The following FSAF1 variants were observed in gnomAD, a reference collection of about 807,000 sequenced individuals.
The protein encoded by FSAF1 is 40S small subunit processome assembly factor 1.
chr1:231,228,904 A>T, the FSAF1 span, among the ~76,000 whole-genome samples: 1 of 152,166 alleles, frequency 6.6e-6, no homozygotes, highest in Admixed American at 6.5e-5. Context: ...CAGGAGAATC[A>T]CTTGAACCCA....
chr1:231,240,477 A>G, the FSAF1 span, among the ~76,000 whole-genome samples: 16 of 151,888 alleles, frequency 1.1e-4, no homozygotes, highest in South Asian at 3.3e-3. This position sits in a 1 kb window ranked among gnomAD's most constrained non-coding sequence, Gnocchi z 4.1. Flanking sequence ...AGGCTCTTTT[A>G]TTTTCCTTTT....
chr1:231,235,223 G>A, the FSAF1 span, among the ~76,000 whole-genome samples: 7 of 152,184 alleles, frequency 4.6e-5, no homozygotes, highest in Non-Finnish European at 8.8e-5. Flanking sequence ...GACATGGGCC[G>A]GACGCAGTGG....
the FSAF1 span, among the ~76,000 whole-genome samples, chr1:231,234,003 C>T: frequency 3.3e-5 from 5 of 152,304 alleles, no homozygotes; most frequent in Admixed American, 2.6e-4. This position sits in a 1 kb window ranked among gnomAD's most constrained non-coding sequence, Gnocchi z 4.0. Context: ...TGTTTAACTA[C>T]AGGCAAGTAA....
the FSAF1 span, among the ~76,000 whole-genome samples, chr1:231,235,816 AT>A: frequency 2.0e-5 from 3 of 152,254 alleles, no homozygotes; most frequent in African/African-American, 4.8e-5. Flanking sequence ...ACATAAAAAA[AT>A]ATATATAAAT....
chr1:231,239,172 T>C, the FSAF1 span: 3 of 1,575,362 alleles, frequency 1.9e-6, no homozygotes, highest in Non-Finnish European at 2.6e-6. Context: ...TCTGTTCTGT[T>C]TCACCTTCTG....
chr1:231,226,686 A>G, the FSAF1 span: 2 of 1,484,358 alleles, frequency 1.3e-6, no homozygotes, highest in Non-Finnish European at 1.9e-6. Flanking sequence ...ACTGTGGCAA[A>G]GAGCATCCAT....
chr1:231,238,614 ATG>A, the FSAF1 span: 1 of 406,784 alleles, frequency 2.5e-6, no homozygotes, highest in East Asian at 3.8e-5. Context: ...TATACTAGCA[ATG>A]TGATTGATGG....
the FSAF1 span, chr1:231,226,297 C>T: frequency 3.7e-5 from 7 of 188,206 alleles, no homozygotes; most frequent in African/African-American, 9.4e-5. Flanking sequence ...ACTGCTGCTT[C>T]GCTCTTTCAT....
At chr1:231,240,000 G>A in the FSAF1 span, among the ~76,000 whole-genome samples, 1 of 152,148 alleles carries the variant, frequency 6.6e-6, no homozygotes, top group Non-Finnish European at 1.5e-5. Flanking sequence ...AGTCTTCTCT[G>A]TCCTCCAATA....
chr1:231,239,068 A>T, the FSAF1 span: 1 of 1,614,180 alleles, frequency 6.2e-7, no homozygotes, highest in South Asian at 1.1e-5. Flanking sequence ...CTGGCCTCTT[A>T]TGAGAGAACC....
At chr1:231,226,447 C>G in the FSAF1 span, 1 of 466,336 alleles carries the variant, frequency 2.1e-6, no homozygotes, top group Non-Finnish European at 3.9e-6. Context: ...GAACCATGCT[C>G]CAAATCAGCC....
At chr1:231,238,749 C>T in the FSAF1 span, 1 of 1,108,616 alleles carries the variant, frequency 9.0e-7, no homozygotes, top group Non-Finnish European at 1.3e-6. Context: ...GGCAAATCTG[C>T]AGGCCTGAGG....
At chr1:231,234,503 G>A in the FSAF1 span, among the ~76,000 whole-genome samples, 2 of 152,168 alleles carry the variant, frequency 1.3e-5, no homozygotes, top group Non-Finnish European at 2.9e-5. The surrounding 1 kb of genome is among the most constrained non-coding windows in gnomAD (Gnocchi z 4.0). Flanking sequence ...ACTAGTCCAG[G>A]CCACGCTATT....
the FSAF1 span, among the ~76,000 whole-genome samples, chr1:231,228,220 T>C: frequency 2.0e-5 from 3 of 152,214 alleles, no homozygotes; most frequent in East Asian, 5.8e-4. Context: ...AACCACAGAA[T>C]ATACATATCC....
the FSAF1 span, among the ~76,000 whole-genome samples, chr1:231,240,830 A>ACT: frequency 6.6e-6 from 1 of 152,148 alleles, no homozygotes; most frequent in Non-Finnish European, 1.5e-5. The surrounding 1 kb of genome is among the most constrained non-coding windows in gnomAD (Gnocchi z 4.1). Context: ...TTGATGAATA[A>ACT]CTCAGCAGAG....
chr1:231,234,714 T>C, the FSAF1 span, among the ~76,000 whole-genome samples: 2 of 152,238 alleles, frequency 1.3e-5, no homozygotes, highest in Non-Finnish European at 2.9e-5. The surrounding 1 kb of genome is among the most constrained non-coding windows in gnomAD (Gnocchi z 4.0). Context: ...CTACTGCCTA[T>C]GAGACCTGGC....
the FSAF1 span, among the ~76,000 whole-genome samples, chr1:231,227,465 A>G: frequency 5.3e-5 from 8 of 151,442 alleles, no homozygotes; most frequent in Non-Finnish European, 1.0e-4. Context: ...TATAGAGAAG[A>G]GGTCTCACTA....
chr1:231,235,148 A>G, the FSAF1 span, among the ~76,000 whole-genome samples: 28 of 152,332 alleles, frequency 1.8e-4, no homozygotes, highest in African/African-American at 6.7e-4. Context: ...TAAATGGAGG[A>G]ATGAATATGT....
At chr1:231,224,235 G>T in the FSAF1 span, 1 of 1,582,310 alleles carries the variant, frequency 6.3e-7, no homozygotes, top group Non-Finnish European at 8.6e-7. Flanking sequence ...GGCCGCTGCA[G>T]TTGACTCAGT....
Sources: allele counts gnomAD v4.1 joint callset (sites outside exome capture counted in the v4.1 genomes callset), GRCh38; gene constraint gnomAD v4.1.1; non-coding constraint Gnocchi (gnomAD v3.1); transcripts MANE v1.5; gene names NCBI Gene and HGNC (gene_info 2026-07-23, HGNC 2026-07-21).